ZNF652: variants seen among roughly 807,000 people sequenced by gnomAD.
ZNF652 encodes the protein zinc finger protein 652.
In ZNF652, 16 loss-of-function variants were observed where a neutral mutation model predicts 45.2. The ratio of observed to expected loss-of-function variants is 0.35; its 90% CI spans 0.24 to 0.54. The LOEUF is 0.54. Among genes scored for constraint, ZNF652 ranks in the 20% least tolerant of loss-of-function variants. The pLI is 0.91. For missense variants in ZNF652, 614 were observed against 765.6 expected, an observed-to-expected ratio of 0.80 and a Z score of 2.34; for synonymous variants, 250 against 260.6, an observed-to-expected ratio of 0.96 and a Z score of 0.39.
At chr17:49,299,556 T>C (rs1436190108) in intron 5 of ZNF652, among the ~76,000 whole-genome samples, 1 of 151,972 alleles carries the variant, frequency 6.6e-6, no homozygotes, top group African/African-American at 2.4e-5. Context: ...AATTTTTGTA[T>C]TTTTAGTAGA....
intron 5 of ZNF652, among the ~76,000 whole-genome samples, chr17:49,305,859 T>G (rs1033255050): frequency 2.0e-5 from 3 of 152,204 alleles, no homozygotes; most frequent in Non-Finnish European, 4.4e-5. Context: ...AAGGTCTGCC[T>G]CATTTCTCTT....
intron 5 of ZNF652, among the ~76,000 whole-genome samples, chr17:49,301,191 C>G (rs1292645129): frequency 6.6e-6 from 1 of 152,224 alleles, no homozygotes; most frequent in Non-Finnish European, 1.5e-5. Context: ...CCCCTATGGC[C>G]TCTTCCATGG....
intron 5 of ZNF652, among the ~76,000 whole-genome samples, chr17:49,304,270 T>C (rs1430070442): frequency 6.6e-6 from 1 of 152,078 alleles, no homozygotes; most frequent in African/African-American, 2.4e-5. Context: ...ACTAGCCTAC[T>C]ACAAATGCCT....
At position 49,311,997 on chromosome 17, in the gene ZNF652, G is replaced by T; in HGVS notation, c.1094C>A (p.Ser365Ter). The change falls in exon 4 of 6, where the codon TCA (serine) becomes TAA (stop). Residue 365 changes from serine to a stop codon, truncating the protein, a stop_gained. Coordinates refer to ENST00000430262, the MANE Select transcript of ZNF652 (RefSeq NM_001145365.3). LOFTEE classifies it high-confidence loss of function. Reference sequence around the variant, plus strand: ...CTTGAGTGACATACTGCGTTTGAATGATTTTCCACAGGTTTCGCATGTAAA... The same window carrying T: ...CTTGAGTGACATACTGCGTTTGAATTATTTTCCACAGGTTTCGCATGTAAA... ...MPFTCETCGKSFKRSMSLKVH... is the reference protein window; with the variant it reads ...MPFTCETCGK The T allele has an allele frequency of 6.2e-7, 1 of 1,613,962 alleles. No homozygotes were observed. The highest frequency in any genetic ancestry group is 1.1e-5 in the South Asian group (1 of 91,060).
At chr17:49,334,749 A>G (rs1056097531) in intron 1 of ZNF652, among the ~76,000 whole-genome samples, 6 of 150,946 alleles carry the variant, frequency 4.0e-5, no homozygotes, top group Non-Finnish European at 8.8e-5. Context: ...ACTGCACTCC[A>G]GCTTGGGAGA....
chr17:49,334,832 C>A (rs1383297794), intron 1 of ZNF652, among the ~76,000 whole-genome samples: 1 of 149,550 alleles, frequency 6.7e-6, no homozygotes, highest in South Asian at 2.1e-4. Context: ...GATGGAAAAA[C>A]CCCGAAAGCA....
chr17:49,337,495 T>A (rs1329120668), intron 1 of ZNF652, among the ~76,000 whole-genome samples: 1 of 152,170 alleles, frequency 6.6e-6, no homozygotes, highest in African/African-American at 2.4e-5. Context: ...TTGGGAAGTA[T>A]AGTTGAACAC....
intron 1 of ZNF652, among the ~76,000 whole-genome samples, chr17:49,348,519 GAAAAGAA>G (rs1182684217): frequency 1.8e-4 from 27 of 148,412 alleles, no homozygotes; most frequent in African/African-American, 6.8e-4. Flanking sequence ...GAAAAGAAAA[GAAAAGAA>G]AAGAAAAGAA....
intron 5 of ZNF652, among the ~76,000 whole-genome samples, chr17:49,309,878 A>C (rs2069685376): frequency 6.6e-6 from 1 of 152,194 alleles, no homozygotes. Context: ...CTGGGAACTA[A>C]AGAGATCCAG....
At chr17:49,356,497 A>C (rs1255504474) in intron 1 of ZNF652, among the ~76,000 whole-genome samples, 1 of 151,984 alleles carries the variant, frequency 6.6e-6, no homozygotes, top group East Asian at 1.9e-4. Flanking sequence ...CACAAAGAAA[A>C]AGTTCACTTA....
chr17:49,325,997 T>C (rs777381352), intron 1 of ZNF652, among the ~76,000 whole-genome samples: 10 of 152,146 alleles, frequency 6.6e-5, no homozygotes, highest in Non-Finnish European at 1.0e-4. Flanking sequence ...TTTACTTTAG[T>C]GCACGATTTT....
At chr17:49,354,567 C>A (rs560273660) in intron 1 of ZNF652, among the ~76,000 whole-genome samples, 3 of 150,234 alleles carry the variant, frequency 2.0e-5, no homozygotes, top group Non-Finnish European at 3.0e-5. Flanking sequence ...GCCGAGATCA[C>A]GCCACTGCAC....
At position 49,359,302 on chromosome 17, in the gene ZNF652, T is replaced by C. The variant is rs191958133; in HGVS notation, c.-259+2607A>G. Among the ~76,000 whole-genome samples, 190 of 152,318 alleles carry C rather than the reference T, an allele frequency of 1.2e-3. 1 individual carries two copies. The highest frequency in any genetic ancestry group is 4.4e-3 in the African/African-American group (185 of 41,574). On this transcript the variant is annotated intron_variant, in intron 1 of 5. Transcript: ENST00000430262. ...CACTGGCAGCATGTTTATGAGATAA[T>C]AAAAAAGGCAATATTTGCAACTTCA...
chr17:49,347,494 G>A (rs1296351751), intron 1 of ZNF652, among the ~76,000 whole-genome samples: 1 of 152,086 alleles, frequency 6.6e-6, no homozygotes, highest in African/African-American at 2.4e-5. Context: ...GAGCCTGGGA[G>A]GTAGAGGCTG....
At chr17:49,352,697 T>C (rs538091085) in intron 1 of ZNF652, among the ~76,000 whole-genome samples, 44 of 152,308 alleles carry the variant, frequency 2.9e-4, no homozygotes, top group African/African-American at 9.6e-4. Context: ...TTACAGTGGC[T>C]CTGTTCATAA....
intron 1 of ZNF652, among the ~76,000 whole-genome samples, chr17:49,333,316 C>G (rs1274042935): frequency 6.6e-6 from 1 of 150,538 alleles, no homozygotes; most frequent in Non-Finnish European, 1.5e-5. Context: ...CTCGGCCTCC[C>G]AAAGTGCTGG....
chr17:49,333,545 T>TAAAAAAAAAA (rs1182199037), intron 1 of ZNF652, among the ~76,000 whole-genome samples: 2 of 48,114 alleles, frequency 4.2e-5, no homozygotes, highest in Non-Finnish European at 7.4e-5. Context: ...CTGTCTCTAC[T>TAAAAAAAAAA]AAAAAAAAAA....
Position 49,295,461 on chromosome 17 carries a change from G to T in ZNF652, c.*2952C>A, listed in dbSNP as rs970079168. The T allele has an allele frequency of 2.0e-5, 3 of 151,906 alleles. No individual in the cohort carries two copies. Among genetic ancestry groups the T allele is most frequent in the African/African-American group, 7.3e-5 (3 of 41,334 alleles). 9.4% of individuals were successfully genotyped at this position (151,906 alleles called of 1,614,324 possible). ...GTTTCTGTTAAGGATGGTGGTATTT[G>T]CTTAATACTGGTTTTCCTGTATAGC... On this transcript the variant is annotated 3_prime_UTR_variant, in exon 6 of 6. Transcript: ENST00000430262.
At position 49,290,483 on chromosome 17, in the gene ZNF652, T is replaced by C. The variant is rs926454550; in HGVS notation, c.*7930A>G. 2.6e-5 allele frequency: 4 copies of C among 152,246 alleles called. No homozygotes were observed. Among genetic ancestry groups the C allele is most frequent in the Admixed American group, 6.5e-5 (1 of 15,278 alleles). 9.4% of individuals were successfully genotyped at this position (152,246 alleles called of 1,614,324 possible). A position where few individuals can be genotyped will look rare whatever the true frequency, so the allele number is the denominator to read the frequency against. ...GTTCCCTGATGTAACAGATATCTCT[T>C]TGGAGCAGAGAAGGTGAGAAGCATT... On this transcript the variant is annotated 3_prime_UTR_variant, in exon 6 of 6. Transcript: ENST00000430262.
Sources: allele counts gnomAD v4.1 joint callset (sites outside exome capture counted in the v4.1 genomes callset), GRCh38; gene constraint gnomAD v4.1.1; transcripts MANE v1.5; gene names NCBI Gene and HGNC (gene_info 2026-07-23, HGNC 2026-07-21).